The following DPPA2 variants were observed in gnomAD, a reference collection of about 807,000 sequenced individuals.
DPPA2 encodes the protein developmental pluripotency associated 2, also known as developmental pluripotency-associated protein 2.
A neutral mutation model predicts 36.2 loss-of-function variants in DPPA2; 26 were observed. The ratio of observed to expected loss-of-function variants is 0.72; its 90% CI spans 0.53 to 1.00. DPPA2 has a LOEUF of 1.00. DPPA2 is among the 50% of genes least tolerant of loss of function. DPPA2 has a pLI of 0.00. For missense variants in DPPA2, 361 were observed against 365.1 expected, an observed-to-expected ratio of 0.99 and a Z score of 0.09; for synonymous variants, 113 against 123.2, an observed-to-expected ratio of 0.92 and a Z score of 0.55.
rs776240541 is a variant in DPPA2, at chr3:109,309,222, C to G, written c.290G>C (p.Arg97Pro). Residue 97 changes from arginine to proline, a missense_variant, in exon 4 of 9, where the codon CGG (arginine) becomes CCG (proline). By Grantham distance (103) the Arg-to-Pro change is moderately radical. Transcript: ENST00000478945. ...TTGACACCAGTCCCGCAAAGTGTCCCGACACACCTTATTAATGGGAGGCAA... is the reference window on the plus strand; with the variant it reads ...TTGACACCAGTCCCGCAAAGTGTCCGGACACACCTTATTAATGGGAGGCAA... ...TILPPINKVC[R>P]DTLRDWCQQL... is the part of the protein sequence containing the mutation. The G allele has an allele frequency of 1.9e-5, 31 of 1,614,052 alleles. No individual in the cohort carries two copies. The highest frequency in any genetic ancestry group is 2.6e-5 in the Non-Finnish European group (31 of 1,180,020).
chr3:109,308,249 C>T lies in DPPA2; in HGVS notation c.441G>A (p.Ser147=), dbSNP rs188432946. The part of the protein sequence containing the change: ...MSQETRLQRC[S]RKRKAVTKRA... ...TCTTGGTCACTGCCTTGCGTTTCCTCGAACATCGCTGTAATCTGGTCTCTT... is the reference window on the plus strand; with the variant it reads ...TCTTGGTCACTGCCTTGCGTTTCCTTGAACATCGCTGTAATCTGGTCTCTT... The change falls in exon 6 of 9, where the codon TCG becomes TCA. Residue 147 remains serine, a synonymous_variant. Transcript: ENST00000478945. The T allele has an allele frequency of 1.1e-4, 182 of 1,614,208 alleles. 1 individual carries two copies. The East Asian group carries it at 1.8e-3, about 16-fold the overall frequency.
At chr3:109,309,902 TA>T (rs1707666047) in intron 3 of DPPA2, among the ~76,000 whole-genome samples, 1 of 151,528 alleles carries the variant, frequency 6.6e-6, no homozygotes, top group Non-Finnish European at 1.5e-5. Context: ...GCCAACATGG[TA>T]AAACCCCGTC....
At chr3:109,313,779 A>T (rs951874840) in intron 2 of DPPA2, among the ~76,000 whole-genome samples, 1 of 152,118 alleles carries the variant, frequency 6.6e-6, no homozygotes, top group Admixed American at 6.6e-5. Flanking sequence ...GTAGTTTCCC[A>T]TTACTCTTAG....
chr3:109,309,373 G>A (rs752007940), intron 3 of DPPA2, 43 bp from the exon 4 acceptor site: 1 of 1,606,378 alleles, frequency 6.2e-7, no homozygotes, highest in Admixed American at 1.7e-5. Flanking sequence ...TTTAAAGTTG[G>A]CAAGATTATT....
At chr3:109,310,118 C>T (rs768330951) in intron 3 of DPPA2, among the ~76,000 whole-genome samples, 14 of 150,870 alleles carry the variant, frequency 9.3e-5, no homozygotes, top group Non-Finnish European at 1.6e-4. Flanking sequence ...ATCCCAGCTA[C>T]TAGGGAGGCT....
At chr3:109,304,954 C>A (rs1707528067) in intron 6 of DPPA2, among the ~76,000 whole-genome samples, 1 of 152,044 alleles carries the variant, frequency 6.6e-6, no homozygotes, top group Non-Finnish European at 1.5e-5. Flanking sequence ...TGAGACCAGC[C>A]TGACCAATGT....
chr3:109,309,334 A>G lies in DPPA2; in HGVS notation c.182-4T>C. 6.2e-7 allele frequency: 1 copy of G among 1,613,846 alleles called. No individual in the cohort carries two copies. The highest frequency in any genetic ancestry group is 8.5e-7 in the Non-Finnish European group (1 of 1,179,784). ...TCATTTGTTTGAAGTAGATGACCTA[A>G]GACAAGAATGGAACCAAAGTAGTAA... is the stretch of plus-strand genomic sequence containing the variant. On this transcript the variant is annotated splice_polypyrimidine_tract_variant and splice_region_variant and intron_variant, in intron 3 of 8. Transcript: ENST00000478945.
At chr3:109,309,479 A>C (rs1026668347) in intron 3 of DPPA2, 149 bp from the exon 4 acceptor site, 1 of 747,270 alleles carries the variant, frequency 1.3e-6, no homozygotes, top group African/African-American at 1.8e-5. Context: ...CGAGGTCAGG[A>C]GATCGAGACC....
chr3:109,309,341 A>G lies in DPPA2; in HGVS notation c.182-11T>C. The G allele has an allele frequency of 1.2e-6, 2 of 1,613,634 alleles. No individual in the cohort carries two copies. Among genetic ancestry groups the G allele is most frequent in the Non-Finnish European group, 1.7e-6 (2 of 1,179,618 alleles). Reference sequence around the variant, plus strand: ...TTTGAAGTAGATGACCTAAGACAAGAATGGAACCAAAGTAGTAATAATTTA... The same window carrying G: ...TTTGAAGTAGATGACCTAAGACAAGGATGGAACCAAAGTAGTAATAATTTA... On this transcript the variant is annotated splice_polypyrimidine_tract_variant and intron_variant, in intron 3 of 8. Transcript: ENST00000478945.
At chr3:109,294,569 C>A (rs531541093) in intron 8 of DPPA2, among the ~76,000 whole-genome samples, 2 of 152,282 alleles carry the variant, frequency 1.3e-5, no homozygotes, top group Non-Finnish European at 2.9e-5. Context: ...TTCTCAAGCT[C>A]GCAGAGTTCT....
intron 1 of DPPA2, among the ~76,000 whole-genome samples, chr3:109,314,887 G>A (rs573443011): frequency 3.3e-5 from 5 of 152,140 alleles, no homozygotes; most frequent in Admixed American, 1.3e-4. Context: ...AACATGGCGA[G>A]ACCCCCATTT....
intron 8 of DPPA2, among the ~76,000 whole-genome samples, chr3:109,296,688 T>A (rs200161088): frequency 4.8e-4 from 71 of 147,084 alleles, no homozygotes; most frequent in Middle Eastern, 3.5e-3. Context: ...AAAAAAATAA[T>A]AAAAAAAAAA....
At chr3:109,298,896 A>G (rs1707407234) in intron 8 of DPPA2, among the ~76,000 whole-genome samples, 1 of 151,930 alleles carries the variant, frequency 6.6e-6, no homozygotes, top group Non-Finnish European at 1.5e-5. Context: ...ATTAAAAAAA[A>G]TTAGCTGGGC....
At chr3:109,310,100 T>C (rs888172023) in intron 3 of DPPA2, among the ~76,000 whole-genome samples, 3 of 150,844 alleles carry the variant, frequency 2.0e-5, no homozygotes, top group Non-Finnish European at 3.0e-5. Context: ...TGGTGGCACA[T>C]GCCTGTAATC....
Position 109,308,150 on chromosome 3 carries a change from T to C in DPPA2, c.540A>G (p.Ser180=). The part of the protein sequence containing the change: ...EETNTVEVIT[S]APGAMLASWA... ...ATGATGCCAACATGGCTCCCGGTGC[T>C]GAAGTTATCACTTCAACTGTATTGG... The change falls in exon 6 of 9, where the codon TCA becomes TCG. Residue 180 remains serine (S), a synonymous_variant. Transcript: ENST00000478945. 1 of 1,614,258 alleles carries C rather than the reference T, an allele frequency of 6.2e-7. No individual in the cohort carries two copies. The highest frequency in any genetic ancestry group is 8.5e-7 in the Non-Finnish European group (1 of 1,180,058).
intron 8 of DPPA2, among the ~76,000 whole-genome samples, chr3:109,297,108 T>TA (rs1707368254): frequency 6.6e-6 from 1 of 150,812 alleles, no homozygotes; most frequent in Non-Finnish European, 1.5e-5. Context: ...AATAGTAAGT[T>TA]AAAAAATAAA....
intron 2 of DPPA2, among the ~76,000 whole-genome samples, 198 bp from the exon 3 acceptor site, chr3:109,312,890 G>A (rs1254446150): frequency 6.6e-6 from 1 of 152,160 alleles, no homozygotes; most frequent in Non-Finnish European, 1.5e-5. Context: ...ACGGGCAAAA[G>A]CCAATTTACA....
Position 109,314,276 on chromosome 3 carries a change from C to G in DPPA2, c.33+234G>C, listed in dbSNP as rs1029541331. ...TCTTTCCTACCAAAGAAATATTTTC[C>G]TTTGGACTAAGAGGAGAAAATTTTA... On this transcript the variant is annotated intron_variant, in intron 2 of 8. Transcript: ENST00000478945. Among the ~76,000 whole-genome samples the G allele has an allele frequency of 4.6e-5, 7 of 151,952 alleles. No homozygotes were observed. In the South Asian group the frequency reaches 1.5e-3, roughly 32 times the overall value.
At position 109,309,355 on chromosome 3, in the gene DPPA2, A is replaced by G. The variant is rs752846025; in HGVS notation, c.182-25T>C. 10 of 1,611,322 alleles carry G rather than the reference A, an allele frequency of 6.2e-6. No individual in the cohort carries two copies. In the East Asian group the frequency reaches 1.8e-4, roughly 29 times the overall value. On this transcript the variant is annotated intron_variant, in intron 3 of 8. Transcript: ENST00000478945. Reference sequence around the variant, plus strand: ...CCTAAGACAAGAATGGAACCAAAGTAGTAATAATTTAAAGTTGGCAAGATT... The same window carrying G: ...CCTAAGACAAGAATGGAACCAAAGTGGTAATAATTTAAAGTTGGCAAGATT...
Sources: gnomAD v4.1 joint callset for allele counts (sites outside exome capture counted in the v4.1 genomes callset) on GRCh38, gnomAD v4.1.1 for gene constraint, MANE v1.5 for transcripts, NCBI Gene and HGNC (gene_info 2026-07-23, HGNC 2026-07-21) for gene names.